The following GNPTAB variants were observed in gnomAD, a reference collection of about 807,000 sequenced individuals.
GNPTAB encodes the protein N-acetylglucosamine-1-phosphotransferase subunits alpha/beta.
Under a neutral mutation model 136.6 loss-of-function variants are expected in GNPTAB, and 92 were observed. That is an observed-to-expected ratio of 0.67 (90% confidence interval 0.57 to 0.80). GNPTAB has a LOEUF of 0.80. Ranked by LOEUF, GNPTAB falls within the 30% of genes least tolerant of loss-of-function variation. GNPTAB has a pLI of 0.00. For synonymous variants in GNPTAB, 512 were observed against 535.1 expected (o/e 0.96, Z 0.60); for missense variants, 1,343 against 1,501.8 (o/e 0.89, Z 1.75).
chr12:101,756,907 A>G lies in GNPTAB; in HGVS notation c.3434+305T>C, dbSNP rs367653379. 187 of 272,660 alleles carry G rather than the reference A, an allele frequency of 6.9e-4. 5 individuals carry two copies. The South Asian group carries it at 0.011, about 16-fold the overall frequency. The allele number at this position is 272,660 out of a possible 1,614,324, so 16.9% of individuals were successfully genotyped here. ...CTTTTTAGAAATGCCATAATTCTAA[A>G]AAGGCATTTCTAGAATGTCCCAGCT... On this transcript the variant is annotated intron_variant, in intron 18 of 20. Coordinates refer to ENST00000299314, the MANE Select transcript of GNPTAB (RefSeq NM_024312.5).
At chr12:101,799,230 C>T (rs1172373316) in intron 1 of GNPTAB, among the ~76,000 whole-genome samples, 1 of 152,046 alleles carries the variant, frequency 6.6e-6, no homozygotes, top group African/African-American at 2.4e-5. Context: ...TGTTAGATAA[C>T]AACTTAAAGC....
chr12:101,768,217 C>A, intron 10 of GNPTAB, 57 bp from the exon 11 acceptor site: 1 of 1,579,540 alleles, frequency 6.3e-7, no homozygotes, highest in Non-Finnish European at 8.7e-7. Flanking sequence ...ACATTTTATT[C>A]TTGAGTTAAG....
intron 1 of GNPTAB, 68 bp downstream of exon 1, chr12:101,830,491 A>T (rs1162498615): frequency 9.4e-6 from 8 of 849,282 alleles, no homozygotes; most frequent in African/African-American, 1.7e-5. Flanking sequence ...GTATCGGGGC[A>T]TCGCGGGGCA....
In GNPTAB at chr12:101,753,388, G is replaced by A. The variant is rs979933501; in HGVS notation, c.3586C>T (p.His1196Tyr). ...AGAATTTACCATTCCTGCAGCTCAT[G>A]CATATGAAGGAAACGGTTTCGATAC... ...REYRNRFLHM[H>Y]ELQEWRAYRD... The change falls in exon 19 of 21, where the codon CAT becomes TAT. Residue 1196 changes from histidine to tyrosine, a missense_variant. Transcript: ENST00000299314. 6 of 1,613,548 alleles carry A rather than the reference G, an allele frequency of 3.7e-6. No individual in the cohort carries two copies. In the Admixed American group the frequency reaches 1.0e-4, roughly 27 times the overall value.
At chr12:101,797,227 T>G (rs1371129865) in intron 1 of GNPTAB, among the ~76,000 whole-genome samples, 1 of 152,070 alleles carries the variant, frequency 6.6e-6, no homozygotes, top group Non-Finnish European at 1.5e-5. Context: ...AAGCGTGACG[T>G]GCCTTCTGTG....
chr12:101,776,847 G>A (rs1348997726), intron 7 of GNPTAB, among the ~76,000 whole-genome samples: 4 of 152,240 alleles, frequency 2.6e-5, no homozygotes. Flanking sequence ...GAGCTGAGCT[G>A]AGCCCTAGGT....
At chr12:101,764,020 C>T (rs1310784141) in intron 13 of GNPTAB, among the ~76,000 whole-genome samples, 182 bp downstream of exon 13, 1 of 152,108 alleles carries the variant, frequency 6.6e-6, no homozygotes, top group Admixed American at 6.5e-5. Context: ...TAATAAATAC[C>T]TTCATATGAC....
Position 101,788,565 on chromosome 12 carries a change from C to T in GNPTAB, c.348G>A (p.Thr116=), listed in dbSNP as rs145244231. 5.4e-4 allele frequency: 839 copies of T among 1,567,628 alleles called. 1 individual carries two copies. Among genetic ancestry groups the T allele is most frequent in the Non-Finnish European group, 4.9e-4 (561 of 1,137,796 alleles). The change falls in exon 4 of 21, where the codon ACG becomes ACA. Residue 116 remains threonine (T), a synonymous_variant. Transcript: ENST00000299314. ...ATGCTTACCTCTTCTTAGTAGGTTC[C>T]GTTGTGTTTTTCCCAAGGATTTCTC... ...AMREILGKNT[T]EPTKKSEKQL...
chr12:101,807,671 T>G (rs1566095550), intron 1 of GNPTAB, among the ~76,000 whole-genome samples: 1 of 152,176 alleles, frequency 6.6e-6, no homozygotes, highest in Non-Finnish European at 1.5e-5. Flanking sequence ...GGCTCACACC[T>G]GTAATCCCAG....
chr12:101,761,999 T>G (rs1274201673), intron 13 of GNPTAB, among the ~76,000 whole-genome samples: 1 of 152,206 alleles, frequency 6.6e-6, no homozygotes, highest in Non-Finnish European at 1.5e-5. Flanking sequence ...ACGATGGAGA[T>G]CTACATAACA....
In GNPTAB at chr12:101,798,991, T is replaced by TA. The variant is rs542820269; in HGVS notation, c.118-2230_118-2229insT. Among the ~76,000 whole-genome samples, 411 of 152,240 alleles carry TA rather than the reference T, an allele frequency of 2.7e-3. 5 individuals carry two copies. Among genetic ancestry groups the TA allele is most frequent in the South Asian group, 0.025 (122 of 4,826 alleles). ...TTGACACGTACCATAGATTGAGGTC[T>TA]GCAGTGGTGGTTGCTGGCCATTTCA... On this transcript the variant is annotated intron_variant, in intron 1 of 20. Transcript: ENST00000299314.
chr12:101,803,198 G>A (rs571086965), intron 1 of GNPTAB, among the ~76,000 whole-genome samples: 168 of 152,208 alleles, frequency 1.1e-3, no homozygotes, highest in African/African-American at 4.0e-3. Context: ...AAGGGAAAAA[G>A]AAAAGATAAA....
intron 1 of GNPTAB, among the ~76,000 whole-genome samples, chr12:101,816,298 C>T (rs1020959571): frequency 5.3e-5 from 8 of 152,092 alleles, no homozygotes. Context: ...ATTCATTTGA[C>T]AAGGGTTTAA....
At chr12:101,812,106 G>A (rs988344597) in intron 1 of GNPTAB, among the ~76,000 whole-genome samples, 1 of 151,874 alleles carries the variant, frequency 6.6e-6, no homozygotes, top group Admixed American at 6.5e-5. Flanking sequence ...AATGCTGGGC[G>A]TGGTGGCATG....
chr12:101,809,130 T>C (rs977675286), intron 1 of GNPTAB, among the ~76,000 whole-genome samples: 1 of 151,858 alleles, frequency 6.6e-6, no homozygotes, highest in Non-Finnish European at 1.5e-5. Flanking sequence ...GGTAAAAAAA[T>C]CTGAAGATAC....
intron 1 of GNPTAB, among the ~76,000 whole-genome samples, chr12:101,813,550 T>C (rs184649760): frequency 2.6e-5 from 4 of 152,346 alleles, no homozygotes; most frequent in East Asian, 3.9e-4. Flanking sequence ...TGGATTATAA[T>C]GGAGCAAGAG....
intron 3 of GNPTAB, among the ~76,000 whole-genome samples, chr12:101,789,622 T>C (rs562582074): frequency 4.6e-4 from 70 of 152,224 alleles, no homozygotes; most frequent in Admixed American, 1.2e-3. Context: ...TTAGCTGGGA[T>C]TGCAGGCGTG....
intron 2 of GNPTAB, among the ~76,000 whole-genome samples, chr12:101,791,345 T>C (rs887737736): frequency 1.3e-5 from 2 of 152,142 alleles, no homozygotes; most frequent in African/African-American, 2.4e-5. Context: ...ATCTGGGTAC[T>C]GATACTACTT....
chr12:101,789,866 AGATGTGCC>A, intron 3 of GNPTAB, 64 bp downstream of exon 3: 1 of 1,366,454 alleles, frequency 7.3e-7, no homozygotes, highest in Non-Finnish European at 1.0e-6. Flanking sequence ...CTCATATGTG[AGATGTGCC>A]ACCCTCAGAC....
Sources: gnomAD v4.1 joint callset for allele counts (sites outside exome capture counted in the v4.1 genomes callset) on GRCh38, gnomAD v4.1.1 for gene constraint, MANE v1.5 for transcripts, NCBI Gene and HGNC (gene_info 2026-07-23, HGNC 2026-07-21) for gene names.